The following SPARCL1 variants were observed in gnomAD, a reference collection of about 807,000 sequenced individuals.
SPARCL1 encodes SPARC-like protein 1.
A neutral mutation model predicts 67.1 loss-of-function variants in SPARCL1; 52 were observed. The ratio of observed to expected loss-of-function variants is 0.78; its 90% CI spans 0.62 to 0.98. The LOEUF (loss-of-function observed/expected upper bound fraction) is 0.98. SPARCL1 is among the 50% of genes least tolerant of loss of function. The pLI is 0.00. For missense variants in SPARCL1, 717 were observed against 782.4 expected (o/e 0.92, Z 1.00); for synonymous variants, 226 against 267.8 (o/e 0.84, Z 1.52).
chr4:87,521,388 C>T (rs1480583720), intron 1 of SPARCL1, among the ~76,000 whole-genome samples: 1 of 152,188 alleles, frequency 6.6e-6, no homozygotes, highest in Non-Finnish European at 1.5e-5. Flanking sequence ...ACGCAGTCAT[C>T]CATACCTCTG....
chr4:87,482,335 T>C, intron 8 of SPARCL1, 89 bp downstream of exon 8: 1 of 1,404,822 alleles, frequency 7.1e-7, no homozygotes, highest in Non-Finnish European at 9.8e-7. Context: ...CTTTTGCCAG[T>C]ATGCAGAGGT....
At chr4:87,476,583 T>TG (rs1295507899) in intron 10 of SPARCL1, among the ~76,000 whole-genome samples, 1 of 152,206 alleles carries the variant, frequency 6.6e-6, no homozygotes, top group Non-Finnish European at 1.5e-5. Flanking sequence ...TAGGGGAACT[T>TG]GCGTCATCTG....
intron 1 of SPARCL1, among the ~76,000 whole-genome samples, chr4:87,514,509 T>C (rs1234040149): frequency 2.0e-5 from 3 of 152,322 alleles, no homozygotes; most frequent in Non-Finnish European, 4.4e-5. Flanking sequence ...GGTCATGTCA[T>C]TTAGAATGAT....
intron 7 of SPARCL1, among the ~76,000 whole-genome samples, chr4:87,488,496 C>G (rs1724168579): frequency 6.6e-6 from 1 of 152,166 alleles, no homozygotes; most frequent in Non-Finnish European, 1.5e-5. Flanking sequence ...CTGCTAGATG[C>G]CAGCCAGAGC....
chr4:87,519,329 C>A (rs1266853981), intron 1 of SPARCL1, among the ~76,000 whole-genome samples: 3 of 152,158 alleles, frequency 2.0e-5, no homozygotes, highest in Non-Finnish European at 4.4e-5. Context: ...GACTCAGCCT[C>A]CCAAAGTGCT....
intron 7 of SPARCL1, 119 bp from the exon 8 acceptor site, chr4:87,482,679 A>G: frequency 1.9e-6 from 2 of 1,041,448 alleles, no homozygotes. Flanking sequence ...GGTCCCCATT[A>G]TTATGACAGT....
At chr4:87,504,200 AG>A (rs1372106698) in intron 1 of SPARCL1, among the ~76,000 whole-genome samples, 3 of 28,066 alleles carry the variant, frequency 1.1e-4, no homozygotes, top group African/African-American at 3.3e-4. Flanking sequence ...TGGGGGTGGG[AG>A]GGTTGAATCA....
At chr4:87,509,134 G>A (rs1265475152) in intron 1 of SPARCL1, among the ~76,000 whole-genome samples, 3 of 150,592 alleles carry the variant, frequency 2.0e-5, no homozygotes, top group Non-Finnish European at 4.4e-5. Context: ...TGATGATTAT[G>A]TACATAATGC....
At position 87,510,674 on chromosome 4, in the gene SPARCL1, A is replaced by G. The variant is rs60721450; in HGVS notation, c.-11-11089T>C. On this transcript the variant is annotated intron_variant, in intron 1 of 10. Coordinates refer to ENST00000282470, the MANE Select transcript of SPARCL1 (RefSeq NM_004684.6). ...AATTCTCCACATTCGCCATCCTTCA[A>G]TTCATCTGTGTGACCTCATTCCTCT... is the stretch of plus-strand genomic sequence containing the variant. 9.5e-3 allele frequency among the ~76,000 whole-genome samples: 1,444 copies of G among 152,236 alleles called. 25 individuals are homozygous for G. The highest frequency in any genetic ancestry group is 0.034 in the African/African-American group (1,392 of 41,552).
At chr4:87,501,222 C>G (rs1047197831) in intron 1 of SPARCL1, among the ~76,000 whole-genome samples, 3 of 152,130 alleles carry the variant, frequency 2.0e-5, no homozygotes, top group African/African-American at 7.2e-5. Flanking sequence ...TGGTGTATCT[C>G]CGGCTGCTGG....
chr4:87,512,672 G>T (rs1169823180), intron 1 of SPARCL1, among the ~76,000 whole-genome samples: 1 of 152,086 alleles, frequency 6.6e-6, no homozygotes, highest in Non-Finnish European at 1.5e-5. Flanking sequence ...GACAAAATCA[G>T]CAGAAGAATC....
intron 5 of SPARCL1, 24 bp from the exon 6 acceptor site, chr4:87,490,902 A>G: frequency 7.4e-7 from 1 of 1,346,624 alleles, no homozygotes; most frequent in Non-Finnish European, 1.0e-6. Flanking sequence ...TTGGGCAGGA[A>G]GCATGGACAA....
chr4:87,518,715 C>T (rs888768203), intron 1 of SPARCL1, among the ~76,000 whole-genome samples: 1 of 152,128 alleles, frequency 6.6e-6, no homozygotes, highest in Non-Finnish European at 1.5e-5. Context: ...AGACATTAAC[C>T]TGCTTCTCAT....
chr4:87,527,724 A>G (rs1018192483), intron 1 of SPARCL1, among the ~76,000 whole-genome samples: 29 of 152,226 alleles, frequency 1.9e-4, no homozygotes, highest in Non-Finnish European at 2.4e-4. Flanking sequence ...CATAAATAAC[A>G]TGTGAATATT....
chr4:87,512,558 G>T (rs935814406), intron 1 of SPARCL1, among the ~76,000 whole-genome samples: 6 of 152,192 alleles, frequency 3.9e-5, no homozygotes, highest in African/African-American at 1.4e-4. Flanking sequence ...ACTATTGAAT[G>T]ATGAGAGACC....
chr4:87,520,081 A>C (rs1385352672), intron 1 of SPARCL1, among the ~76,000 whole-genome samples: 3 of 151,954 alleles, frequency 2.0e-5, no homozygotes, highest in Non-Finnish European at 4.4e-5. Flanking sequence ...CTCTACTAAA[A>C]ATACAAAAAC....
rs1287100351 is a variant in SPARCL1, at chr4:87,529,312, G to T, written c.-279C>A. The T allele has an allele frequency of 6.6e-6, 1 of 152,270 alleles. No individual in the cohort carries two copies. The highest frequency in any genetic ancestry group is 2.1e-4 in the South Asian group (1 of 4,822). The allele number at this position is 152,270 out of a possible 1,614,324, so 9.4% of individuals were successfully genotyped here. A position where few individuals can be genotyped will look rare whatever the true frequency, so the allele number is the denominator to read the frequency against. On this transcript the variant is annotated 5_prime_UTR_variant, in exon 1 of 11. Transcript: ENST00000282470. ...AGTATTTCAGACTGTCATCGTTTTT[G>T]TTGCAGATTCCTGGATTTCCCTAGC...
rs1723724020 is a variant in SPARCL1, at chr4:87,479,576, ACT to A, written c.1818_1819del (p.Arg606SerfsTer6). 1 of 1,613,532 alleles carries A rather than the reference ACT, an allele frequency of 6.2e-7. No individual in the cohort carries two copies. Among genetic ancestry groups the A allele is most frequent in the Non-Finnish European group, 8.5e-7 (1 of 1,179,838 alleles). On this transcript the variant is annotated frameshift_variant and splice_region_variant, in exon 10 of 11. Transcript: ENST00000282470. LOFTEE classifies it high-confidence loss of function. The stretch of plus-strand genomic sequence containing the variant: ...AGGAGCAAGTTCAGAATGTGTCAAG[ACT>A]CTGCAATGAAATACATGGCATCCTA...
chr4:87,483,468 T>G (rs1266864495), intron 7 of SPARCL1, among the ~76,000 whole-genome samples: 1 of 152,232 alleles, frequency 6.6e-6, no homozygotes, highest in African/African-American at 2.4e-5. Flanking sequence ...TGTCATATTT[T>G]CTTTATCCAG....
Sources: allele counts gnomAD v4.1 joint callset (sites outside exome capture counted in the v4.1 genomes callset), GRCh38; gene constraint gnomAD v4.1.1; transcripts MANE v1.5; gene names NCBI Gene and HGNC (gene_info 2026-07-23, HGNC 2026-07-21).